The following KIAA0753 variants were observed in gnomAD, a reference collection of about 807,000 sequenced individuals.
KIAA0753 encodes KIAA0753, also known as protein moonraker.
Under a neutral mutation model 116.9 loss-of-function variants are expected in KIAA0753, and 114 were observed. That is an observed-to-expected ratio of 0.98 (90% CI 0.84 to 1.14). The LOEUF (loss-of-function observed/expected upper bound fraction) is 1.14. KIAA0753 is among the 50% of genes most tolerant of loss of function. The pLI, the probability that KIAA0753 is intolerant of heterozygous loss-of-function variation, is 0.00. For missense variants in KIAA0753, 1,156 were observed against 1,172.4 expected (o/e 0.99, Z 0.20); for synonymous variants, 405 against 413.1 (o/e 0.98, Z 0.24).
intron 12 of KIAA0753, 21 bp from the exon 13 acceptor site, chr17:6,600,479 A>T: frequency 6.3e-7 from 1 of 1,582,820 alleles, no homozygotes; most frequent in Non-Finnish European, 8.7e-7. Context: ...ATAAAATTGA[A>T]AATTAAAATC....
intron 4 of KIAA0753, 152 bp from the exon 5 acceptor site, chr17:6,623,723 C>A: frequency 9.0e-7 from 1 of 1,113,160 alleles, no homozygotes; most frequent in Non-Finnish European, 1.2e-6. Context: ...CATTCATGCA[C>A]CCAAAAAACA....
chr17:6,628,090 C>T (rs1045317696), intron 3 of KIAA0753, 27 bp downstream of exon 3: 47 of 1,590,100 alleles, frequency 3.0e-5, no homozygotes, highest in Non-Finnish European at 3.7e-5. Flanking sequence ...AGCCTTAGGT[C>T]GAAGTAAAGA....
chr17:6,620,725 T>C, intron 7 of KIAA0753, 63 bp downstream of exon 7: 1 of 1,519,072 alleles, frequency 6.6e-7, no homozygotes, highest in East Asian at 2.3e-5. Context: ...GTGCAGTAAC[T>C]GTTATAGCCC....
chr17:6,592,926 A>T (rs1969178842), intron 16 of KIAA0753, among the ~76,000 whole-genome samples: 1 of 152,136 alleles, frequency 6.6e-6, no homozygotes, highest in Non-Finnish European at 1.5e-5. Flanking sequence ...ATCTAAGTAG[A>T]CTGGTGGCTG....
intron 7 of KIAA0753, among the ~76,000 whole-genome samples, chr17:6,620,553 T>C (rs916279182): frequency 1.3e-5 from 2 of 152,138 alleles, no homozygotes; most frequent in African/African-American, 4.8e-5. Context: ...GGAATTTGCC[T>C]TGGGTAGCCC....
Position 6,623,536 on chromosome 17 carries a change from AC to A in KIAA0753, c.860del (p.Ser287IlefsTer75), listed in dbSNP as rs1597580049. 1 of 1,609,980 alleles carries A rather than the reference AC, an allele frequency of 6.2e-7. No individual in the cohort carries two copies. Among genetic ancestry groups the A allele is most frequent in the Non-Finnish European group, 8.5e-7 (1 of 1,177,392 alleles). ...TCTTAGTGTGTTTAATTTTATGTGG[AC>A]TCAATTTATCCAATTCTTCCTGGAT... The part of the protein sequence containing the change: ...KEIQEELDKL[S>X]PHKIKHTKKS... On this transcript the variant is annotated frameshift_variant, in exon 5 of 19. Transcript: ENST00000361413. LOFTEE classifies it high-confidence loss of function.
chr17:6,599,194 A>C, intron 14 of KIAA0753, 43 bp downstream of exon 14: 1 of 1,342,216 alleles, frequency 7.5e-7, no homozygotes, highest in Non-Finnish European at 1.1e-6. Flanking sequence ...TAAAGATGTT[A>C]TCAAGCAATA....
At chr17:6,600,281 CACTT>C in intron 13 of KIAA0753, 95 bp downstream of exon 13, 1 of 868,066 alleles carries the variant, frequency 1.2e-6, no homozygotes, top group East Asian at 2.4e-5. Context: ...GCCACAGAGA[CACTT>C]AGCCCTATAA....
chr17:6,638,602 TC>T, intron 1 of KIAA0753: 1 of 153,826 alleles, frequency 6.5e-6, no homozygotes, highest in Non-Finnish European at 1.4e-5. Context: ...ACTCTCTGGC[TC>T]CCCCACAGCC....
At chr17:6,591,040 G>GGAAGAAGGAA (rs1567540520) in intron 16 of KIAA0753, among the ~76,000 whole-genome samples, 27 of 100,038 alleles carry the variant, frequency 2.7e-4, no homozygotes, top group Admixed American at 4.4e-4. Flanking sequence ...GAAGGAAGAA[G>GGAAGAAGGAA]GAAGAAGAAG....
chr17:6,626,514 T>C (rs912251837), intron 3 of KIAA0753, among the ~76,000 whole-genome samples: 2 of 151,932 alleles, frequency 1.3e-5, no homozygotes, highest in Non-Finnish European at 2.9e-5. Context: ...TCTATGAACA[T>C]AAATGGAACG....
intron 7 of KIAA0753, among the ~76,000 whole-genome samples, chr17:6,618,912 T>C (rs946617034): frequency 6.6e-5 from 10 of 152,154 alleles, no homozygotes; most frequent in African/African-American, 2.2e-4. Context: ...AGATTGAATA[T>C]AGAACTCTTA....
chr17:6,601,385 A>T (rs189520419), intron 12 of KIAA0753, among the ~76,000 whole-genome samples: 58 of 152,290 alleles, frequency 3.8e-4, no homozygotes, highest in Non-Finnish European at 6.5e-4. Flanking sequence ...GCGGTCACGT[A>T]TGCAGGCTAA....
At chr17:6,625,718 T>C (rs371319112) in intron 3 of KIAA0753, among the ~76,000 whole-genome samples, 9 of 152,178 alleles carry the variant, frequency 5.9e-5, no homozygotes, top group Non-Finnish European at 1.0e-4. Context: ...AGCATCTTAT[T>C]GTAAACATTT....
intron 3 of KIAA0753, among the ~76,000 whole-genome samples, chr17:6,625,527 C>T (rs1395289499): frequency 2.0e-5 from 3 of 151,634 alleles, no homozygotes; most frequent in African/African-American, 7.3e-5. Context: ...ATTAGCCAGG[C>T]GTGGTGGTGT....
At chr17:6,633,370 G>A (rs1318305459) in intron 2 of KIAA0753, among the ~76,000 whole-genome samples, 1 of 152,170 alleles carries the variant, frequency 6.6e-6, no homozygotes, top group Non-Finnish European at 1.5e-5. Flanking sequence ...CCACCAGAAT[G>A]GCTAAAGAGA....
At chr17:6,598,503 C>A (rs1969632316) in intron 14 of KIAA0753, among the ~76,000 whole-genome samples, 1 of 152,204 alleles carries the variant, frequency 6.6e-6, no homozygotes, top group African/African-American at 2.4e-5. Context: ...GAGCTTCATT[C>A]CAATTTCCTT....
At chr17:6,612,757 A>G (rs1970639044) in intron 7 of KIAA0753, among the ~76,000 whole-genome samples, 1 of 152,086 alleles carries the variant, frequency 6.6e-6, no homozygotes, top group Non-Finnish European at 1.5e-5. Flanking sequence ...AATCCCAGCT[A>G]CTCAGGAGGC....
At chr17:6,588,117 G>A (rs889550182) in intron 18 of KIAA0753, among the ~76,000 whole-genome samples, 3 of 152,096 alleles carry the variant, frequency 2.0e-5, no homozygotes, top group African/African-American at 4.8e-5. Context: ...CTGTTGGACT[G>A]ACACACTCCA....
Sources: gnomAD v4.1 joint callset for allele counts (sites outside exome capture counted in the v4.1 genomes callset) on GRCh38, gnomAD v4.1.1 for gene constraint, MANE v1.5 for transcripts, NCBI Gene and HGNC (gene_info 2026-07-23, HGNC 2026-07-21) for gene names.